The following AGAP1 variants were observed in gnomAD, a reference collection of about 807,000 sequenced individuals.
AGAP1 encodes arf-GAP with GTPase, ANK repeat and PH domain-containing protein 1.
Under a neutral mutation model 105.3 loss-of-function variants are expected in AGAP1, and 29 were observed. The observed-to-expected ratio is 0.28, with a 90% CI of 0.21 to 0.38. AGAP1 has a LOEUF of 0.38. AGAP1 is among the 10% of genes least tolerant of loss of function. AGAP1 has a pLI of 1.00. For synonymous variants in AGAP1, 509 were observed against 485.9 expected, an observed-to-expected ratio of 1.05 and a Z score of -0.63; for missense variants, 998 against 1,165.1, an observed-to-expected ratio of 0.86 and a Z score of 2.09.
intron 6 of AGAP1, among the ~76,000 whole-genome samples, chr2:235,763,659 G>A (rs561289950): frequency 7.6e-4 from 115 of 152,250 alleles, no homozygotes; most frequent in African/African-American, 1.9e-3. Flanking sequence ...CTAATTCAGC[G>A]TTCTCCAGCA....
chr2:235,802,192 A>AGGG (rs1177536661), intron 8 of AGAP1, among the ~76,000 whole-genome samples: 3 of 152,198 alleles, frequency 2.0e-5, no homozygotes, highest in African/African-American at 7.2e-5. Flanking sequence ...GTGAAGGAGA[A>AGGG]GGGGCTCTGC....
rs993584779 is a variant in AGAP1 at position 236,083,833 on chromosome 2, C to G, written c.2114+34552C>G. On this transcript the variant is annotated intron_variant, in intron 16 of 17. Coordinates refer to ENST00000304032, the MANE Select transcript of AGAP1 (RefSeq NM_001037131.3). This position sits in a 1 kb window ranked among gnomAD's most constrained non-coding sequence, Gnocchi z 5.3. ...GGAGTGCCTCTTCTGAGATCCCATTCGATGCTCTGCCCTCAATTAAATGAA... is the reference window on the plus strand; with the variant it reads ...GGAGTGCCTCTTCTGAGATCCCATTGGATGCTCTGCCCTCAATTAAATGAA... 6.6e-6 allele frequency among the ~76,000 whole-genome samples: 1 copy of G among 152,072 alleles called. No individual in the cohort carries two copies. Among genetic ancestry groups the G allele is most frequent in the African/African-American group, 2.4e-5 (1 of 41,396 alleles).
At chr2:236,118,241 G>T (rs1447295124) in intron 16 of AGAP1, among the ~76,000 whole-genome samples, 1 of 152,124 alleles carries the variant, frequency 6.6e-6, no homozygotes, top group Non-Finnish European at 1.5e-5. Context: ...TGATTTCTCC[G>T]TGTCATTTGT....
At chr2:236,074,732 T>C (rs1336909245) in intron 16 of AGAP1, among the ~76,000 whole-genome samples, 2 of 152,210 alleles carry the variant, frequency 1.3e-5, no homozygotes, top group Admixed American at 1.3e-4. Flanking sequence ...TAAAAGTCTA[T>C]AGAATTAACA....
At chr2:235,868,113 T>C (rs973992569) in intron 9 of AGAP1, among the ~76,000 whole-genome samples, 1 of 152,124 alleles carries the variant, frequency 6.6e-6, no homozygotes, top group Non-Finnish European at 1.5e-5. Flanking sequence ...TGTTCCAAAG[T>C]GTAATGAATG....
intron 9 of AGAP1, among the ~76,000 whole-genome samples, chr2:235,818,304 C>T (rs1248486289): frequency 2.0e-5 from 3 of 152,188 alleles, no homozygotes; most frequent in African/African-American, 7.2e-5. Context: ...AGGTATGAGA[C>T]CGATGTTATA....
At chr2:235,818,976 A>G (rs187014759) in intron 9 of AGAP1, among the ~76,000 whole-genome samples, 1 of 152,350 alleles carries the variant, frequency 6.6e-6, no homozygotes, top group African/African-American at 2.4e-5. Flanking sequence ...TGTCCTGGAA[A>G]GTCTGTGCTG....
chr2:235,783,601 A>G (rs1956414612), intron 6 of AGAP1, among the ~76,000 whole-genome samples: 1 of 152,204 alleles, frequency 6.6e-6, no homozygotes, highest in African/African-American at 2.4e-5. Context: ...CCCACAAAAC[A>G]TTATGCTCTG....
chr2:235,698,998 G>A (rs970266556), intron 1 of AGAP1, among the ~76,000 whole-genome samples: 27 of 152,094 alleles, frequency 1.8e-4, no homozygotes, highest in African/African-American at 5.6e-4. Flanking sequence ...GGGGAGCCCC[G>A]TGCCCATACC....
chr2:235,847,721 G>A (rs373996407), intron 9 of AGAP1, among the ~76,000 whole-genome samples: 1 of 152,178 alleles, frequency 6.6e-6, no homozygotes, highest in Non-Finnish European at 1.5e-5. Flanking sequence ...GTGCTTGTTT[G>A]CCACGACAGT....
At chr2:235,563,950 G>T (rs1051616297) in intron 1 of AGAP1, among the ~76,000 whole-genome samples, 1 of 152,106 alleles carries the variant, frequency 6.6e-6, no homozygotes, top group South Asian at 2.1e-4. Context: ...TGGGTGGGGG[G>T]TGTGGACAGG....
chr2:235,982,074 G>A lies in AGAP1; in HGVS notation c.1645+13451G>A, dbSNP rs778352322. 1.2e-4 allele frequency among the ~76,000 whole-genome samples: 19 copies of A among 152,212 alleles called. No homozygotes were observed. The highest frequency in any genetic ancestry group is 2.4e-4 in the Non-Finnish European group (16 of 68,040). ...GAGGCTGTGCTTCAGCAGATTGACA[G>A]AATGCATTTTTACAGCACTTAGAAA... On this transcript the variant is annotated intron_variant, in intron 13 of 17. Transcript: ENST00000304032. This position sits in a 1 kb window ranked among gnomAD's most constrained non-coding sequence, Gnocchi z 4.9.
At chr2:235,651,225 C>G (rs951047910) in intron 1 of AGAP1, among the ~76,000 whole-genome samples, 2 of 136,630 alleles carry the variant, frequency 1.5e-5, no homozygotes, top group African/African-American at 5.2e-5. Context: ...AAAGAGACAC[C>G]CTTGCAGGCA....
intron 16 of AGAP1, among the ~76,000 whole-genome samples, chr2:236,106,007 A>T (rs2059480660): frequency 6.6e-6 from 1 of 152,190 alleles, no homozygotes; most frequent in African/African-American, 2.4e-5. Flanking sequence ...ACAGGGGGTT[A>T]GGGCTTCAGC....
At chr2:235,562,254 A>T (rs1003899782) in intron 1 of AGAP1, among the ~76,000 whole-genome samples, 1 of 152,130 alleles carries the variant, frequency 6.6e-6, no homozygotes. Context: ...AGTGTAGTCA[A>T]ATCATAACAT....
intron 1 of AGAP1, among the ~76,000 whole-genome samples, chr2:235,603,251 C>T (rs959386821): frequency 6.6e-6 from 1 of 152,140 alleles, no homozygotes; most frequent in Admixed American, 6.5e-5. Flanking sequence ...GTAAGATGTG[C>T]CTTTCACCTT....
intron 16 of AGAP1, among the ~76,000 whole-genome samples, chr2:236,064,014 C>G (rs2058278324): frequency 1.3e-5 from 2 of 152,174 alleles, no homozygotes; most frequent in Admixed American, 1.3e-4. Flanking sequence ...TAAGTCTCTC[C>G]TCAAGGACCT....
chr2:235,652,848 T>C (rs978863681), intron 1 of AGAP1, among the ~76,000 whole-genome samples: 2 of 151,770 alleles, frequency 1.3e-5, no homozygotes, highest in Non-Finnish European at 2.9e-5. Flanking sequence ...GAGGTTGCAA[T>C]GAGTCAGCTA....
chr2:235,504,946 C>T (rs1941730884), intron 1 of AGAP1, among the ~76,000 whole-genome samples: 1 of 152,174 alleles, frequency 6.6e-6, no homozygotes, highest in South Asian at 2.1e-4. Context: ...AGCGAAATCC[C>T]TCACCAGGAA....
Sources: gnomAD v4.1 joint callset for allele counts (sites outside exome capture counted in the v4.1 genomes callset) on GRCh38, gnomAD v4.1.1 for gene constraint, Gnocchi (gnomAD v3.1) non-coding constraint, MANE v1.5 for transcripts, NCBI Gene and HGNC (gene_info 2026-07-23, HGNC 2026-07-21) for gene names.